The following COG5 variants were observed in gnomAD, a reference collection of about 807,000 sequenced individuals.
The protein encoded by COG5 is conserved oligomeric Golgi complex subunit 5.
A neutral mutation model predicts 110.4 loss-of-function variants in COG5; 86 were observed. The observed-to-expected ratio is 0.78, with a 90% CI of 0.65 to 0.93. The LOEUF (loss-of-function observed/expected upper bound fraction) is 0.93. COG5 is among the 40% of genes least tolerant of loss of function. COG5 has a pLI of 0.00. For synonymous variants in COG5, 360 were observed against 334.6 expected (o/e 1.08, Z -0.83); for missense variants, 1,077 against 987.0 (o/e 1.09, Z -1.22).
chr7:107,542,971 CAA>C (rs10706886), intron 5 of COG5, among the ~76,000 whole-genome samples: 18,640 of 120,020 alleles, frequency 0.16, 1,312 homozygotes, highest in Non-Finnish European at 0.2. Context: ...AACTCTGTCT[CAA>C]AAAAAAAAAA....
At chr7:107,320,591 G>A (rs1809175206) in intron 11 of COG5, among the ~76,000 whole-genome samples, 1 of 152,176 alleles carries the variant, frequency 6.6e-6, no homozygotes, top group Non-Finnish European at 1.5e-5. Flanking sequence ...CATATCAAGG[G>A]TGTCTTTCTG....
At chr7:107,415,706 G>A (rs895430220) in intron 6 of COG5, among the ~76,000 whole-genome samples, 3 of 150,332 alleles carry the variant, frequency 2.0e-5, no homozygotes, top group African/African-American at 2.4e-5. Flanking sequence ...ATATATGTAC[G>A]TGTGCATGAA....
intron 11 of COG5, among the ~76,000 whole-genome samples, chr7:107,319,666 T>C (rs555120185): frequency 5.3e-5 from 8 of 152,338 alleles, no homozygotes; most frequent in African/African-American, 1.4e-4. Flanking sequence ...TACCTTTCCA[T>C]GTAGGGAAGT....
rs11978649 is a variant in COG5 at position 107,307,444 on chromosome 7, T to C, written c.1109-9098A>G. ...CAAACATATAATGTAGAGAGAATAG[T>C]ATAATGAACCTCTGTGTATCCATCA... On this transcript the variant is annotated intron_variant, in intron 11 of 21. Transcript: ENST00000297135. Among the ~76,000 whole-genome samples the C allele has an allele frequency of 8.1e-3, 1,238 of 152,330 alleles. 11 individuals carry two copies. Among genetic ancestry groups the C allele is most frequent in the Middle Eastern group, 0.017 (5 of 294 alleles).
At chr7:107,389,756 T>TG (rs1292808577) in intron 7 of COG5, among the ~76,000 whole-genome samples, 5 of 152,258 alleles carry the variant, frequency 3.3e-5, no homozygotes, top group African/African-American at 1.2e-4. Flanking sequence ...TTTGGGCCGA[T>TG]GGGGGGATGG....
chr7:107,389,712 C>G (rs1790475496), intron 7 of COG5, among the ~76,000 whole-genome samples: 1 of 152,112 alleles, frequency 6.6e-6, no homozygotes, highest in Admixed American at 6.5e-5. Context: ...ATGACTCAAT[C>G]AGCATTTCAT....
Position 107,556,730 on chromosome 7 carries a change from C to T in COG5, c.234+1246G>A, listed in dbSNP as rs112916784. On this transcript the variant is annotated intron_variant, in intron 2 of 21. Coordinates refer to ENST00000297135, the MANE Select transcript of COG5 (RefSeq NM_006348.5). ...ATGTATTCTATTTATTTGGCTATCCCCACAGTCTAACCCAAAGCTTGACAA... is the reference window on the plus strand; with the variant it reads ...ATGTATTCTATTTATTTGGCTATCCTCACAGTCTAACCCAAAGCTTGACAA... Among the ~76,000 whole-genome samples the T allele has an allele frequency of 3.2e-3, 491 of 152,188 alleles. 4 individuals carry two copies. Among genetic ancestry groups the T allele is most frequent in the African/African-American group, 0.011 (461 of 41,548 alleles).
intron 6 of COG5, among the ~76,000 whole-genome samples, chr7:107,444,917 G>A (rs1794915860): frequency 1.3e-5 from 2 of 152,184 alleles, no homozygotes; most frequent in South Asian, 4.1e-4. Flanking sequence ...GGCAAGCGTA[G>A]TGGCTCATGC....
chr7:107,217,786 C>A (rs944131849), intron 19 of COG5, among the ~76,000 whole-genome samples: 3 of 152,100 alleles, frequency 2.0e-5, no homozygotes, highest in Non-Finnish European at 4.4e-5. Flanking sequence ...AAAGCTTTTC[C>A]TCTAAGATCA....
intron 10 of COG5, among the ~76,000 whole-genome samples, chr7:107,330,077 G>C (rs77641084): frequency 1.3e-5 from 2 of 152,042 alleles, no homozygotes; most frequent in Non-Finnish European, 2.9e-5. Flanking sequence ...GAATAATTCA[G>C]GTAGATTTGA....
At chr7:107,459,407 A>C (rs766533362) in intron 6 of COG5, among the ~76,000 whole-genome samples, 1 of 152,188 alleles carries the variant, frequency 6.6e-6, no homozygotes, top group African/African-American at 2.4e-5. Flanking sequence ...AAACCAGATG[A>C]AGTCAAAAAA....
chr7:107,467,290 T>C (rs1004673638), intron 6 of COG5, among the ~76,000 whole-genome samples: 2 of 152,152 alleles, frequency 1.3e-5, no homozygotes, highest in African/African-American at 4.8e-5. Context: ...GCACAAAATA[T>C]ATTAAATGCA....
intron 6 of COG5, among the ~76,000 whole-genome samples, chr7:107,503,235 C>A (rs1798748917): frequency 6.6e-6 from 1 of 152,112 alleles, no homozygotes; most frequent in Admixed American, 6.6e-5. Context: ...GTTTTCTCAG[C>A]AGCATTTATT....
chr7:107,499,373 C>T (rs1798491501), intron 6 of COG5, among the ~76,000 whole-genome samples: 1 of 151,326 alleles, frequency 6.6e-6, no homozygotes, highest in African/African-American at 2.4e-5. Flanking sequence ...TTAACCTATC[C>T]AGAAAAGTTT....
In COG5 at chr7:107,459,460, C is replaced by A. The variant is rs1563047520; in HGVS notation, c.539-46828G>T. On this transcript the variant is annotated intron_variant, in intron 6 of 21. Transcript: ENST00000297135. ...GCAATTATAGGCAAGGATTTCACAA[C>A]TCTTTTTTTCAGTAAAAAAAAAAAT... Among the ~76,000 whole-genome samples the A allele has an allele frequency of 1.3e-5, 2 of 150,376 alleles. 1 individual carries two copies. The highest frequency in any genetic ancestry group is 4.2e-4 in the South Asian group (2 of 4,802).
At chr7:107,402,237 C>T (rs1791488176) in intron 7 of COG5, among the ~76,000 whole-genome samples, 1 of 152,112 alleles carries the variant, frequency 6.6e-6, no homozygotes, top group Non-Finnish European at 1.5e-5. Context: ...AGGTCTTCTG[C>T]TTTAGGGAAA....
Position 107,211,229 on chromosome 7 carries a change from G to C in COG5, c.2169-4C>G, listed in dbSNP as rs775366407. ...ACTTGCCTGGAAGAGCAGAGGTCTA[G>C]ACGGGAAAAACAGAAGTTATTTCAC... On this transcript the variant is annotated splice_polypyrimidine_tract_variant and splice_region_variant and intron_variant, in intron 19 of 21. Transcript: ENST00000297135. 1.9e-6 allele frequency: 3 copies of C among 1,613,722 alleles called. No individual in the cohort carries two copies. Among genetic ancestry groups the C allele is most frequent in the South Asian group, 2.2e-5 (2 of 91,072 alleles).
At chr7:107,469,492 A>C (rs929373994) in intron 6 of COG5, among the ~76,000 whole-genome samples, 36 of 152,128 alleles carry the variant, frequency 2.4e-4, no homozygotes, top group Non-Finnish European at 4.1e-4. Context: ...TGAATGAATG[A>C]ATGAAATGAA....
intron 6 of COG5, among the ~76,000 whole-genome samples, chr7:107,511,943 A>T (rs1184825005): frequency 2.6e-5 from 4 of 152,316 alleles, no homozygotes; most frequent in African/African-American, 4.8e-5. Flanking sequence ...AATATCATAC[A>T]GAATGGGCAA....
Sources: gnomAD v4.1 joint callset for allele counts (sites outside exome capture counted in the v4.1 genomes callset) on GRCh38, gnomAD v4.1.1 for gene constraint, MANE v1.5 for transcripts, NCBI Gene and HGNC (gene_info 2026-07-23, HGNC 2026-07-21) for gene names.